Variants in RYK observed in about 807,000 individuals in gnomAD.
The protein encoded by RYK is receptor like tyrosine kinase.
In RYK, 21 loss-of-function variants were observed where a neutral mutation model predicts 70.2. The ratio of observed to expected loss-of-function variants is 0.30; its 90% CI spans 0.21 to 0.43. The LOEUF (loss-of-function observed/expected upper bound fraction) is 0.43, where lower values mean the gene tolerates loss of function less well. Ranked by LOEUF, RYK falls within the 20% of genes least tolerant of loss-of-function variation. RYK has a pLI of 1.00. For missense variants in RYK, 604 were observed against 753.3 expected (o/e 0.80, Z 2.32); for synonymous variants, 267 against 278.0 (o/e 0.96, Z 0.39).
At chr3:134,158,717 A>G (rs1172684089) in intron 14 of RYK, among the ~76,000 whole-genome samples, 3 of 152,196 alleles carry the variant, frequency 2.0e-5, no homozygotes, top group Non-Finnish European at 4.4e-5. Context: ...TGTACGATCA[A>G]TCACCCTGCA....
intron 1 of RYK, among the ~76,000 whole-genome samples, chr3:134,239,166 A>G (rs1019654325): frequency 3.9e-5 from 6 of 152,204 alleles, no homozygotes; most frequent in South Asian, 4.1e-4. Context: ...TCCAAAGAAA[A>G]TAAGTTATCA....
rs1212815207 is a variant in RYK at position 134,250,805 on chromosome 3, T to C, written c.-151A>G. The C allele has an allele frequency of 5.2e-5, 8 of 153,930 alleles. No homozygotes were observed. Among genetic ancestry groups the C allele is most frequent in the East Asian group, 6.8e-4 (2 of 2,932 alleles). The allele number at this position is 153,930 out of a possible 1,614,324, so 9.5% of individuals were successfully genotyped here. A position where few individuals can be genotyped will look rare whatever the true frequency, so the allele number is the denominator to read the frequency against. ...TGGCAGCCAGCAGTGGCTTCAGACC[T>C]CCGGAGCGCGCCGCCGCCGCCGCCT... On this transcript the variant is annotated 5_prime_UTR_variant, in exon 1 of 15. Coordinates refer to ENST00000623711, the MANE Select transcript of RYK (RefSeq NM_002958.4).
At chr3:134,200,493 A>C (rs2013979490) in intron 6 of RYK, among the ~76,000 whole-genome samples, 2 of 152,118 alleles carry the variant, frequency 1.3e-5, no homozygotes, top group Non-Finnish European at 2.9e-5. Context: ...TCACCGCGAG[A>C]GTCCGCGGCT....
chr3:134,250,686 C>A lies in RYK; in HGVS notation c.-32G>T. The A allele has an allele frequency of 2.1e-6, 2 of 973,064 alleles. No homozygotes were observed. Among genetic ancestry groups the A allele is most frequent in the Non-Finnish European group, 2.4e-6 (2 of 820,540 alleles). The allele number at this position is 973,064 out of a possible 1,614,324, so 60.3% of individuals were successfully genotyped here. A position where few individuals can be genotyped will look rare whatever the true frequency, so the allele number is the denominator to read the frequency against. On this transcript the variant is annotated 5_prime_UTR_variant, in exon 1 of 15. Transcript: ENST00000623711. ...CGCCGCCGCCGCCGAAGAGGAGCGT[C>A]GGCCGCCCGCCGCACCGCCGCCCAC...
chr3:134,209,154 T>C (rs2014313734), intron 4 of RYK, among the ~76,000 whole-genome samples: 1 of 152,202 alleles, frequency 6.6e-6, no homozygotes, highest in Non-Finnish European at 1.5e-5. Context: ...AGTACCCACA[T>C]ACGGTATTCT....
At position 134,207,618 on chromosome 3, in the gene RYK, G is replaced by A. The variant is rs2014255707; in HGVS notation, c.590-93C>T. The A allele has an allele frequency of 1.5e-5, 12 of 779,358 alleles. 1 individual carries two copies. The highest frequency in any genetic ancestry group is 3.7e-4 in the Middle Eastern group (1 of 2,674). The allele number at this position is 779,358 out of a possible 1,614,324, so 48.3% of individuals were successfully genotyped here. ...ATTATCAGAACATTGCTGGAACTCAGCAACAGGTATGTGTTGCGAGATAAT... is the reference window on the plus strand; with the variant it reads ...ATTATCAGAACATTGCTGGAACTCAACAACAGGTATGTGTTGCGAGATAAT... On this transcript the variant is annotated intron_variant, in intron 4 of 14. Coordinates refer to ENST00000623711, the MANE Select transcript of RYK (RefSeq NM_002958.4).
chr3:134,177,412 C>T (rs1414227671), intron 11 of RYK, among the ~76,000 whole-genome samples: 1 of 152,220 alleles, frequency 6.6e-6, no homozygotes, highest in Non-Finnish European at 1.5e-5. Flanking sequence ...TTTACTACCA[C>T]TACCATCATA....
At chr3:134,165,722 C>A (rs1237214999) in intron 13 of RYK, among the ~76,000 whole-genome samples, 1 of 152,190 alleles carries the variant, frequency 6.6e-6, no homozygotes, top group East Asian at 1.9e-4. Flanking sequence ...TTCTTGAGTC[C>A]TAAGGTTTAA....
intron 1 of RYK, among the ~76,000 whole-genome samples, chr3:134,228,704 G>A (rs766462586): frequency 3.9e-5 from 6 of 152,172 alleles, no homozygotes; most frequent in East Asian, 1.9e-4. Flanking sequence ...AGACTGAGGC[G>A]GGGAGGGGAA....
At chr3:134,166,948 TTTTTA>T (rs1362483162) in intron 13 of RYK, among the ~76,000 whole-genome samples, 6 of 152,216 alleles carry the variant, frequency 3.9e-5, no homozygotes, top group Non-Finnish European at 8.8e-5. Context: ...AAATTTTAAA[TTTTTA>T]TTTCTTAAAG....
chr3:134,169,007 A>G (rs1162493762), intron 13 of RYK, among the ~76,000 whole-genome samples: 2 of 152,146 alleles, frequency 1.3e-5, no homozygotes, highest in African/African-American at 2.4e-5. Context: ...ATAACTCCAG[A>G]CTTCCTTTTA....
At chr3:134,210,481 G>A (rs1470676133) in intron 3 of RYK, among the ~76,000 whole-genome samples, 6 of 152,064 alleles carry the variant, frequency 3.9e-5, no homozygotes, top group Non-Finnish European at 7.4e-5. Context: ...TTAAAGATAT[G>A]GGCATTTCTA....
chr3:134,199,006 C>G (rs745846261), intron 6 of RYK, among the ~76,000 whole-genome samples: 2 of 152,172 alleles, frequency 1.3e-5, no homozygotes, highest in Non-Finnish European at 2.9e-5. Context: ...CACAAACTAA[C>G]AGGGAAAGAC....
chr3:134,160,447 TAAC>T (rs147550918), intron 13 of RYK, among the ~76,000 whole-genome samples: 24,503 of 152,080 alleles, frequency 0.16, 2,342 homozygotes, highest in East Asian at 0.47. Context: ...TATTTTTCAA[TAAC>T]AACAAAATCC....
At chr3:134,224,039 G>C (rs975393258) in intron 1 of RYK, among the ~76,000 whole-genome samples, 5 of 152,206 alleles carry the variant, frequency 3.3e-5, no homozygotes, top group African/African-American at 1.2e-4. Flanking sequence ...TGAACTTGTA[G>C]GGTCCAACCC....
intron 13 of RYK, among the ~76,000 whole-genome samples, chr3:134,164,111 T>C (rs922416752): frequency 1.3e-5 from 2 of 152,204 alleles, no homozygotes; most frequent in Admixed American, 6.5e-5. Context: ...GCTGGAATTA[T>C]AGGCATGAGC....
chr3:134,223,032 G>C (rs140782300), intron 1 of RYK, among the ~76,000 whole-genome samples: 61 of 152,286 alleles, frequency 4.0e-4, no homozygotes, highest in African/African-American at 1.4e-3. Context: ...CAAGGTCCTT[G>C]CTGTTCTGAT....
At chr3:134,176,137 AC>A (rs1475644249) in intron 11 of RYK, 98 bp from the exon 12 acceptor site, 1 of 731,492 alleles carries the variant, frequency 1.4e-6, no homozygotes, top group East Asian at 2.7e-5. Flanking sequence ...ATCCAAAAAT[AC>A]TGCTTTAAAC....
chr3:134,162,680 T>C (rs2108140019), intron 13 of RYK, among the ~76,000 whole-genome samples: 1 of 152,232 alleles, frequency 6.6e-6, no homozygotes, highest in African/African-American at 2.4e-5. Flanking sequence ...AACTTTTTTC[T>C]GAGAAGCAAC....
Sources: allele counts gnomAD v4.1 joint callset (sites outside exome capture counted in the v4.1 genomes callset), GRCh38; gene constraint gnomAD v4.1.1; transcripts MANE v1.5; gene names NCBI Gene and HGNC (gene_info 2026-07-23, HGNC 2026-07-21).